The following STK3 variants were observed in gnomAD, a reference collection of about 807,000 sequenced individuals.
STK3 encodes the protein serine/threonine kinase 3.
Under a neutral mutation model 58.0 loss-of-function variants are expected in STK3, and 41 were observed. That is an observed-to-expected ratio of 0.71 (90% CI 0.55 to 0.92). STK3 has a LOEUF of 0.92. Ranked by LOEUF, STK3 falls within the 40% of genes least tolerant of loss-of-function variation. STK3 has a pLI of 0.00. For missense variants in STK3, 479 were observed against 602.7 expected (o/e 0.79, Z 2.15); for synonymous variants, 170 against 191.0 (o/e 0.89, Z 0.91).
chr8:98,767,214 G>A, intron 3 of STK3, 29 bp downstream of exon 3: 2 of 1,557,948 alleles, frequency 1.3e-6, no homozygotes, highest in Admixed American at 2.0e-5. Flanking sequence ...CAAAACAAGG[G>A]TAAGCAAAGA....
chr8:98,709,367 A>G (rs1329093385), intron 4 of STK3, among the ~76,000 whole-genome samples: 1 of 151,972 alleles, frequency 6.6e-6, no homozygotes, highest in Non-Finnish European at 1.5e-5. Context: ...CTCCACAAAA[A>G]GGAAAAAAAA....
intron 6 of STK3, among the ~76,000 whole-genome samples, chr8:98,621,814 C>G (rs1320282642): frequency 1.3e-5 from 2 of 151,996 alleles, no homozygotes; most frequent in Admixed American, 1.3e-4. Context: ...ATCTATATAG[C>G]TAGTCCCAGA....
At chr8:98,521,165 C>G (rs1304161870) in intron 10 of STK3, among the ~76,000 whole-genome samples, 1 of 152,150 alleles carries the variant, frequency 6.6e-6, no homozygotes, top group Non-Finnish European at 1.5e-5. Context: ...AAAGGAAGAA[C>G]TGTTCTAGTC....
intron 6 of STK3, among the ~76,000 whole-genome samples, chr8:98,613,427 G>A (rs972139997): frequency 3.3e-5 from 5 of 151,994 alleles, no homozygotes; most frequent in Non-Finnish European, 7.4e-5. Flanking sequence ...AATATTTTAA[G>A]AGTCTTTAAA....
chr8:98,431,812 C>T (rs1048735176), intron 3 of STK3: 5 of 167,166 alleles, frequency 3.0e-5, no homozygotes, highest in East Asian at 1.9e-4. Flanking sequence ...GGAATCCCAA[C>T]GTGCTTTAGA....
chr8:98,359,593 C>G, the STK3 span, among the ~76,000 whole-genome samples: 1 of 151,920 alleles, frequency 6.6e-6, no homozygotes, highest in Non-Finnish European at 1.5e-5. Context: ...CTACCAGAAT[C>G]AGGCCACTGT....
chr8:98,485,391 T>TATA (rs1822173858), intron 10 of STK3, among the ~76,000 whole-genome samples: 1 of 152,248 alleles, frequency 6.6e-6, no homozygotes, highest in South Asian at 2.1e-4. Context: ...TTATGGAGTG[T>TATA]GTTTTATAAA....
chr8:98,413,704 C>G (rs1818082818), intron 3 of STK3: 1 of 947,926 alleles, frequency 1.1e-6, no homozygotes, highest in Non-Finnish European at 1.7e-6. Flanking sequence ...TTTAGAAAAG[C>G]CACCGTTCTT....
At chr8:98,673,224 A>T (rs961321104) in intron 6 of STK3, among the ~76,000 whole-genome samples, 1 of 152,224 alleles carries the variant, frequency 6.6e-6, no homozygotes, top group Non-Finnish European at 1.5e-5. Flanking sequence ...AAGGATGAAT[A>T]AAACACTATT....
At chr8:98,636,220 A>G (rs1336948162) in intron 6 of STK3, among the ~76,000 whole-genome samples, 1 of 152,156 alleles carries the variant, frequency 6.6e-6, no homozygotes, top group African/African-American at 2.4e-5. Context: ...AAAGTGAGAC[A>G]TGGAGAGGTT....
intron 1 of STK3, among the ~76,000 whole-genome samples, chr8:98,822,918 C>T (rs1835001898): frequency 1.3e-5 from 2 of 152,216 alleles, no homozygotes; most frequent in Admixed American, 1.3e-4. Context: ...ATCCCAGCCT[C>T]TCAGGAGGCT....
At position 98,803,138 on chromosome 8, in the gene STK3, G is replaced by GA. The variant is rs560791480; in HGVS notation, c.26+22376dup. 6.7e-3 allele frequency among the ~76,000 whole-genome samples: 1,025 copies of GA among 152,228 alleles called. 8 individuals carry two copies. Among genetic ancestry groups the GA allele is most frequent in the African/African-American group, 0.023 (961 of 41,540 alleles). On this transcript the variant is annotated intron_variant, in intron 1 of 10. Coordinates refer to ENST00000419617, the MANE Select transcript of STK3 (RefSeq NM_006281.4). ...CATTCAGTTTTTTCTGTTATTGGGG[G>GA]AAAACCTTTAAAATTGTATCTCACA... is the stretch of plus-strand genomic sequence containing the variant.
intron 3 of STK3, among the ~76,000 whole-genome samples, chr8:98,416,492 C>A (rs145418500): frequency 7.9e-4 from 118 of 149,306 alleles, no homozygotes; most frequent in Non-Finnish European, 1.3e-3. Flanking sequence ...AAATTAGAAC[C>A]CTAAGAGAGG....
intron 6 of STK3, among the ~76,000 whole-genome samples, chr8:98,691,927 G>A (rs1220618671): frequency 1.6e-5 from 2 of 126,550 alleles, no homozygotes; most frequent in Admixed American, 9.1e-5. Context: ...GCAAAACTCC[G>A]CCTCAAAAAA....
chr8:98,729,744 C>A (rs754497382), intron 4 of STK3, among the ~76,000 whole-genome samples: 1 of 152,178 alleles, frequency 6.6e-6, no homozygotes, highest in Non-Finnish European at 1.5e-5. Context: ...CAACTCATAT[C>A]TTGTCCCATA....
chr8:98,504,903 G>A (rs1195246172), intron 10 of STK3, among the ~76,000 whole-genome samples: 1 of 152,156 alleles, frequency 6.6e-6, no homozygotes. Flanking sequence ...TCTTTGTGGT[G>A]TTCTCTATAT....
At chr8:98,400,863 T>C (rs192069511), downstream of STK3, among the ~76,000 whole-genome samples, 18 of 152,284 alleles carry the variant, frequency 1.2e-4, no homozygotes, top group Admixed American at 9.2e-4. Context: ...CTGTGAAATG[T>C]CCTGTGGCAG....
At chr8:98,394,827 G>A (rs1046656241) in intron 3 of STK3, among the ~76,000 whole-genome samples, 2 of 152,228 alleles carry the variant, frequency 1.3e-5, no homozygotes, top group African/African-American at 4.8e-5. Flanking sequence ...CTCCTTCCAG[G>A]CAAGTGTGAA....
chr8:98,773,192 T>G (rs962343349), intron 2 of STK3, among the ~76,000 whole-genome samples: 3 of 152,172 alleles, frequency 2.0e-5, no homozygotes, highest in South Asian at 2.1e-4. Flanking sequence ...TTTTTTCTAT[T>G]ATATCTGTCC....
Sources: allele counts gnomAD v4.1 joint callset (sites outside exome capture counted in the v4.1 genomes callset), GRCh38; gene constraint gnomAD v4.1.1; transcripts MANE v1.5; gene names NCBI Gene and HGNC (gene_info 2026-07-23, HGNC 2026-07-21).